Variants in SLCO3A1 observed in about 807,000 individuals in gnomAD.
SLCO3A1 encodes PGE1 transporter.
In SLCO3A1, 27 loss-of-function variants were observed where a neutral mutation model predicts 63.1. That is an observed-to-expected ratio of 0.43 (90% CI 0.32 to 0.59). The LOEUF is 0.59. Among genes scored for constraint, SLCO3A1 ranks in the 20% least tolerant of loss-of-function variants. The probability of loss-of-function intolerance (pLI) is 0.09; values close to 1 mark genes in which losing one functional copy is unlikely to be tolerated. For synonymous variants in SLCO3A1, 473 were observed against 409.9 expected (o/e 1.15, Z -1.86); for missense variants, 773 against 945.8 (o/e 0.82, Z 2.40).
intron 2 of SLCO3A1, among the ~76,000 whole-genome samples, chr15:92,043,176 G>A (rs1372081786): frequency 3.5e-5 from 4 of 114,984 alleles, no homozygotes; most frequent in Non-Finnish European, 6.5e-5. Flanking sequence ...CTTACTCCTT[G>A]ACCAGAACCA....
At chr15:92,145,047 A>G (rs2048202561) in intron 7 of SLCO3A1, among the ~76,000 whole-genome samples, 1 of 152,194 alleles carries the variant, frequency 6.6e-6, no homozygotes, top group African/African-American at 2.4e-5. Flanking sequence ...GGAAACAGGT[A>G]GAGTGGAGCT....
chr15:91,976,116 G>T (rs575901498), intron 2 of SLCO3A1, among the ~76,000 whole-genome samples: 1 of 152,248 alleles, frequency 6.6e-6, no homozygotes, highest in East Asian at 1.9e-4. Context: ...TTGAAGTGTG[G>T]CCAACCATCC....
chr15:91,892,228 T>C (rs1897888831), intron 1 of SLCO3A1, among the ~76,000 whole-genome samples: 1 of 152,230 alleles, frequency 6.6e-6, no homozygotes, highest in South Asian at 2.1e-4. Flanking sequence ...GTTCTTGAAT[T>C]GAACCTGGTA....
downstream of SLCO3A1, among the ~76,000 whole-genome samples, chr15:92,169,908 C>A (rs1053654318): frequency 2.0e-5 from 3 of 152,208 alleles, no homozygotes; most frequent in African/African-American, 7.2e-5. Context: ...CTTTTAGGAA[C>A]AGAATATCCA....
intron 2 of SLCO3A1, among the ~76,000 whole-genome samples, chr15:92,036,827 C>T (rs955432779): frequency 6.6e-6 from 1 of 152,108 alleles, no homozygotes; most frequent in Non-Finnish European, 1.5e-5. Flanking sequence ...TTCAACAGAC[C>T]ATTAGAATGT....
intron 4 of SLCO3A1, among the ~76,000 whole-genome samples, chr15:92,112,695 C>G (rs2047743857): frequency 6.6e-6 from 1 of 152,190 alleles, no homozygotes; most frequent in South Asian, 2.1e-4. Flanking sequence ...GGGACTCACT[C>G]ACCAAATAAG....
intron 2 of SLCO3A1, among the ~76,000 whole-genome samples, chr15:92,024,306 C>G (rs1186117264): frequency 6.6e-6 from 1 of 152,128 alleles, no homozygotes; most frequent in Non-Finnish European, 1.5e-5. Flanking sequence ...AGTGACTGGA[C>G]AAACAGTAAA....
At chr15:92,092,177 T>A (rs1424414024) in intron 2 of SLCO3A1, among the ~76,000 whole-genome samples, 1 of 152,034 alleles carries the variant, frequency 6.6e-6, no homozygotes, top group Non-Finnish European at 1.5e-5. Flanking sequence ...AGCATGGGGA[T>A]AACAGCACAG....
intron 7 of SLCO3A1, among the ~76,000 whole-genome samples, chr15:92,139,313 C>G (rs1304666453): frequency 6.8e-6 from 1 of 148,142 alleles, no homozygotes; most frequent in African/African-American, 2.5e-5. Context: ...GCCTTGCATC[C>G]CAGGGATGAA....
intron 2 of SLCO3A1, among the ~76,000 whole-genome samples, chr15:92,026,856 A>G (rs1355880266): frequency 6.6e-6 from 1 of 152,220 alleles, no homozygotes; most frequent in Non-Finnish European, 1.5e-5. Context: ...TCGGAGGCCA[A>G]GGCAGGTGGA....
chr15:92,106,408 C>T (rs959604336), intron 4 of SLCO3A1, among the ~76,000 whole-genome samples: 2 of 152,108 alleles, frequency 1.3e-5, no homozygotes, highest in Admixed American at 6.5e-5. Context: ...GCCTGCGACT[C>T]CCCTAGTAGC....
At chr15:91,985,552 G>A (rs954097113) in intron 2 of SLCO3A1, among the ~76,000 whole-genome samples, 1 of 152,174 alleles carries the variant, frequency 6.6e-6, no homozygotes, top group Non-Finnish European at 1.5e-5. Context: ...GTCAGTGTAC[G>A]TTTCCTAATG....
chr15:92,115,796 T>C (rs953596672), intron 4 of SLCO3A1, among the ~76,000 whole-genome samples: 5 of 115,946 alleles, frequency 4.3e-5, no homozygotes, highest in Non-Finnish European at 8.2e-5. Context: ...CCTCCCTCTC[T>C]TCCCTAGTTC....
intron 2 of SLCO3A1, among the ~76,000 whole-genome samples, chr15:92,040,895 C>A (rs1159369274): frequency 6.6e-6 from 1 of 152,224 alleles, no homozygotes; most frequent in East Asian, 1.9e-4. Context: ...AGTCTGGGAT[C>A]TGGGCCTGGG....
chr15:92,146,948 A>AC, intron 7 of SLCO3A1, 36 bp from the exon 8 acceptor site: 2 of 1,557,670 alleles, frequency 1.3e-6, no homozygotes, highest in Non-Finnish European at 1.7e-6. Context: ...AACCGGAAGT[A>AC]CCCCCAGATA....
intron 3 of SLCO3A1, among the ~76,000 whole-genome samples, 164 bp from the exon 4 acceptor site, chr15:92,104,115 G>A (rs1019170460): frequency 6.6e-6 from 1 of 152,300 alleles, no homozygotes; most frequent in Non-Finnish European, 1.5e-5. Flanking sequence ...AAACAGAACC[G>A]CTGGTGTGGA....
chr15:92,143,354 C>CAT (rs367627607), intron 7 of SLCO3A1, among the ~76,000 whole-genome samples: 39 of 20,858 alleles, frequency 1.9e-3, no homozygotes, highest in African/African-American at 2.9e-3. Context: ...ACTCAGTCAA[C>CAT]ATACATATAT....
chr15:92,112,267 G>A (rs574606548), intron 4 of SLCO3A1, among the ~76,000 whole-genome samples: 1 of 152,292 alleles, frequency 6.6e-6, no homozygotes, highest in South Asian at 2.1e-4. Flanking sequence ...AGGTCATGCT[G>A]GAAGGCAGAC....
At chr15:92,057,609 G>T (rs2047037318) in intron 2 of SLCO3A1, among the ~76,000 whole-genome samples, 1 of 152,196 alleles carries the variant, frequency 6.6e-6, no homozygotes, top group Non-Finnish European at 1.5e-5. Flanking sequence ...CACCTTTGGG[G>T]ATGGAGAATC....
Sources: gnomAD v4.1 joint callset for allele counts (sites outside exome capture counted in the v4.1 genomes callset) on GRCh38, gnomAD v4.1.1 for gene constraint, MANE v1.5 for transcripts, NCBI Gene and HGNC (gene_info 2026-07-23, HGNC 2026-07-21) for gene names.